LRRC20: variants seen among roughly 807,000 people sequenced by gnomAD.
The protein encoded by LRRC20 is leucine-rich repeat-containing protein 20.
Under a neutral mutation model 14.4 loss-of-function variants are expected in LRRC20, and 11 were observed. The ratio of observed to expected loss-of-function variants is 0.77; its 90% CI spans 0.48 to 1.27. The LOEUF (loss-of-function observed/expected upper bound fraction) is 1.27, where lower values mean the gene tolerates loss of function less well. LRRC20 is among the 50% of genes most tolerant of loss of function. The pLI, the probability that LRRC20 is intolerant of heterozygous loss-of-function variation, is 0.00. For missense variants in LRRC20, 219 were observed against 251.2 expected, an observed-to-expected ratio of 0.87 and a Z score of 0.87; for synonymous variants, 121 against 107.3, an observed-to-expected ratio of 1.13 and a Z score of -0.79.
At position 70,313,469 on chromosome 10, in the gene LRRC20, G is replaced by A. The variant is rs80075774; in HGVS notation, c.400+10394C>T. Among the ~76,000 whole-genome samples, 643 of 152,148 alleles carry A rather than the reference G, an allele frequency of 4.2e-3. 4 individuals are homozygous for A. The highest frequency in any genetic ancestry group is 0.015 in the African/African-American group (614 of 41,500). On this transcript the variant is annotated intron_variant, in intron 4 of 4. Transcript: ENST00000446961. ...GTGGTTCTATCTAGTTTGCACACTG[G>A]AATCATCTGGATAAAACTGCCTCTG... is the stretch of plus-strand genomic sequence containing the variant.
intron 2 of LRRC20, among the ~76,000 whole-genome samples, chr10:70,357,207 A>G (rs2137084230): frequency 6.6e-6 from 1 of 152,362 alleles, no homozygotes; most frequent in South Asian, 2.1e-4. Context: ...GGCGGAGATC[A>G]GGAAATGGGA....
At chr10:70,381,201 G>A (rs1211289289) in intron 1 of LRRC20, among the ~76,000 whole-genome samples, 6 of 152,204 alleles carry the variant, frequency 3.9e-5, no homozygotes, top group Admixed American at 3.9e-4. Flanking sequence ...CTTCCTCACC[G>A]GATTATTGTG....
chr10:70,379,385 C>A (rs937152188), intron 1 of LRRC20, among the ~76,000 whole-genome samples: 1 of 152,144 alleles, frequency 6.6e-6, no homozygotes, highest in Non-Finnish European at 1.5e-5. Flanking sequence ...AAGCTGAGGA[C>A]CCAAGAGGGG....
intron 2 of LRRC20, among the ~76,000 whole-genome samples, chr10:70,365,845 C>T (rs959872480): frequency 2.0e-5 from 3 of 151,894 alleles, no homozygotes; most frequent in Non-Finnish European, 2.9e-5. Context: ...CCGAGGCGGG[C>T]GGATCACGAG....
chr10:70,372,706 T>A (rs1844344913), intron 2 of LRRC20, among the ~76,000 whole-genome samples: 1 of 152,068 alleles, frequency 6.6e-6, no homozygotes, highest in African/African-American at 2.4e-5. Flanking sequence ...CCACCCAAAG[T>A]GCTGGGATTA....
intron 4 of LRRC20, among the ~76,000 whole-genome samples, chr10:70,320,356 T>C (rs1049043577): frequency 3.7e-4 from 56 of 152,156 alleles, no homozygotes; most frequent in Non-Finnish European, 5.1e-4. Flanking sequence ...GATCTGTGCA[T>C]GCACATAGTA....
intron 3 of LRRC20, among the ~76,000 whole-genome samples, chr10:70,335,991 T>C (rs1265330019): frequency 1.3e-5 from 2 of 152,180 alleles, no homozygotes; most frequent in East Asian, 3.8e-4. Context: ...CCTCACATTA[T>C]GACATGGTGT....
chr10:70,320,446 A>C (rs899673687), intron 4 of LRRC20, among the ~76,000 whole-genome samples: 5 of 152,244 alleles, frequency 3.3e-5, no homozygotes, highest in Non-Finnish European at 7.3e-5. Flanking sequence ...ATTTTACTGC[A>C]TTAAAAAATT....
In LRRC20 at chr10:70,338,754, G is replaced by A. The variant is rs544510534; in HGVS notation, c.232+1799C>T. ...CAGCTCACTGCAACCTCCACCTTCCGGGTTCAAGCGATTCTCCTGCATCAG... is the reference window on the plus strand; with the variant it reads ...CAGCTCACTGCAACCTCCACCTTCCAGGTTCAAGCGATTCTCCTGCATCAG... On this transcript the variant is annotated intron_variant, in intron 3 of 4. Coordinates refer to ENST00000446961, the MANE Select transcript of LRRC20 (RefSeq NM_001278212.2). Among the ~76,000 whole-genome samples, 5 of 152,276 alleles carry A rather than the reference G, an allele frequency of 3.3e-5. No homozygotes were observed. In the South Asian group the frequency reaches 1.0e-3, roughly 32 times the overall value.
chr10:70,344,844 G>A (rs1233106048), intron 2 of LRRC20, among the ~76,000 whole-genome samples: 1 of 152,132 alleles, frequency 6.6e-6, no homozygotes, highest in African/African-American at 2.4e-5. Flanking sequence ...TAGGATTATA[G>A]TCACGAGCCA....
At chr10:70,335,739 T>G (rs1842708519) in intron 3 of LRRC20, among the ~76,000 whole-genome samples, 1 of 152,140 alleles carries the variant, frequency 6.6e-6, no homozygotes, top group Non-Finnish European at 1.5e-5. Context: ...ACACCATCCC[T>G]CCGCTCTGTA....
intron 4 of LRRC20, among the ~76,000 whole-genome samples, chr10:70,322,125 T>TG (rs5785968): frequency 0.99 from 150,204 of 152,232 alleles, 74,132 homozygotes; most frequent in East Asian, 1. Flanking sequence ...CTCCCTTATC[T>TG]GGCAAAAGCC....
At chr10:70,360,179 G>T (rs534744324) in intron 2 of LRRC20, among the ~76,000 whole-genome samples, 217 of 152,334 alleles carry the variant, frequency 1.4e-3, no homozygotes, top group African/African-American at 4.9e-3. Flanking sequence ...CTCCCAAAGT[G>T]CTGGGATTAC....
intron 4 of LRRC20, among the ~76,000 whole-genome samples, chr10:70,310,857 A>T (rs1360921651): frequency 6.6e-6 from 1 of 152,212 alleles, no homozygotes; most frequent in Non-Finnish European, 1.5e-5. Flanking sequence ...ATGATAAGAC[A>T]CGTATCCTAG....
intron 2 of LRRC20, among the ~76,000 whole-genome samples, chr10:70,343,400 C>G (rs1200945252): frequency 1.3e-5 from 2 of 152,190 alleles, no homozygotes; most frequent in Non-Finnish European, 2.9e-5. Flanking sequence ...TGAGGGTCCA[C>G]AGGGCTCCTC....
intron 4 of LRRC20, among the ~76,000 whole-genome samples, chr10:70,310,054 T>G (rs996085413): frequency 5.9e-5 from 9 of 152,234 alleles, no homozygotes; most frequent in Non-Finnish European, 8.8e-5. Context: ...TAGGTATAGC[T>G]CTTTCCCCTA....
At chr10:70,379,610 A>C (rs546827990) in intron 1 of LRRC20, among the ~76,000 whole-genome samples, 69 of 152,358 alleles carry the variant, frequency 4.5e-4, no homozygotes, top group Admixed American at 1.8e-3. Flanking sequence ...GATGAGGAAG[A>C]GCTTTCTGAA....
chr10:70,346,482 T>A (rs1227956196), intron 2 of LRRC20, among the ~76,000 whole-genome samples: 3 of 152,228 alleles, frequency 2.0e-5, no homozygotes, highest in African/African-American at 7.2e-5. Flanking sequence ...GTCTCACTAT[T>A]TTTCTACTTG....
intron 2 of LRRC20, among the ~76,000 whole-genome samples, chr10:70,349,030 AC>A (rs141555303): frequency 0.055 from 8,334 of 152,302 alleles, 252 homozygotes; most frequent in East Asian, 0.094. Context: ...GGGGGGCCCC[AC>A]CCAGGGAAGA....
Sources: allele counts gnomAD v4.1 joint callset (sites outside exome capture counted in the v4.1 genomes callset), GRCh38; gene constraint gnomAD v4.1.1; transcripts MANE v1.5; gene names NCBI Gene and HGNC (gene_info 2026-07-23, HGNC 2026-07-21).